The following CSMD3 variants were observed in gnomAD, a reference collection of about 807,000 sequenced individuals.
The protein encoded by CSMD3 is CUB and Sushi multiple domains 3.
CSMD3 carries 177 observed loss-of-function variants against 435.2 expected under a neutral mutation model. The ratio of observed to expected loss-of-function variants is 0.41; its 90% CI spans 0.36 to 0.46. The LOEUF is 0.46. Ranked by LOEUF, CSMD3 falls within the 20% of genes least tolerant of loss-of-function variation. CSMD3 has a pLI of 0.34. For synonymous variants in CSMD3, 1,656 were observed against 1,520.5 expected (o/e 1.09, Z -2.07); for missense variants, 4,265 against 4,504.6 (o/e 0.95, Z 1.52).
intron 4 of CSMD3, among the ~76,000 whole-genome samples, chr8:113,123,531 A>G (rs1019630465): frequency 6.6e-6 from 1 of 152,066 alleles, no homozygotes; most frequent in Non-Finnish European, 1.5e-5. Context: ...TCTTATTAGT[A>G]GAAAACTAAG....
At chr8:112,568,681 A>G (rs1489248779) in intron 24 of CSMD3, among the ~76,000 whole-genome samples, 1 of 152,118 alleles carries the variant, frequency 6.6e-6, no homozygotes, top group Non-Finnish European at 1.5e-5. Flanking sequence ...TTGTTGGTGG[A>G]AGAAGGTGAG....
At chr8:112,238,223 C>A (rs77038830) in intron 66 of CSMD3, among the ~76,000 whole-genome samples, 2 of 150,578 alleles carry the variant, frequency 1.3e-5, no homozygotes, top group African/African-American at 4.9e-5. Flanking sequence ...AGGTACCCAA[C>A]CCTCTTTGGA....
chr8:112,539,404 T>A (rs985873662), intron 27 of CSMD3: 1 of 152,070 alleles, frequency 6.6e-6, no homozygotes. Flanking sequence ...TCAGAGAAAA[T>A]TTTTTAAAAA....
intron 24 of CSMD3, among the ~76,000 whole-genome samples, chr8:112,566,459 C>G (rs550765427): frequency 3.3e-5 from 5 of 151,962 alleles, no homozygotes; most frequent in Non-Finnish European, 7.4e-5. Context: ...AATCCAAGCC[C>G]GTACTATACT....
At chr8:113,288,756 T>C (rs1302464378) in intron 2 of CSMD3, among the ~76,000 whole-genome samples, 1 of 151,820 alleles carries the variant, frequency 6.6e-6, no homozygotes, top group African/African-American at 2.4e-5. Context: ...TTTTAGAGTA[T>C]ACAATTGAAA....
chr8:113,173,633 T>C (rs571246102), intron 4 of CSMD3, 89 bp downstream of exon 4: 4 of 1,091,852 alleles, frequency 3.7e-6, no homozygotes, highest in East Asian at 4.8e-5. Context: ...CTCTATCCTT[T>C]AGATTCCGTA....
chr8:112,289,063 A>G (rs941377604), intron 57 of CSMD3, among the ~76,000 whole-genome samples: 1 of 152,076 alleles, frequency 6.6e-6, no homozygotes, highest in African/African-American at 2.4e-5. Context: ...GAATAGTTTC[A>G]CCATTTTAAC....
chr8:112,870,331 C>A (rs1163096012), intron 10 of CSMD3, among the ~76,000 whole-genome samples: 1 of 150,396 alleles, frequency 6.6e-6, no homozygotes, highest in Non-Finnish European at 1.5e-5. Context: ...TGCAGTGGCT[C>A]GATCTCGGCT....
intron 35 of CSMD3, among the ~76,000 whole-genome samples, chr8:112,394,386 A>T (rs924184100): frequency 1.3e-5 from 2 of 152,160 alleles, no homozygotes; most frequent in African/African-American, 4.8e-5. Flanking sequence ...CACTAACTAC[A>T]GTGATTTATT....
At chr8:112,968,557 G>A (rs963476554) in intron 7 of CSMD3, among the ~76,000 whole-genome samples, 1 of 151,626 alleles carries the variant, frequency 6.6e-6, no homozygotes, top group Non-Finnish European at 1.5e-5. Flanking sequence ...TACAACCTAT[G>A]CCAGAGGACA....
At chr8:112,474,460 T>C (rs1818845569) in intron 31 of CSMD3, among the ~76,000 whole-genome samples, 2 of 152,122 alleles carry the variant, frequency 1.3e-5, no homozygotes, top group Admixed American at 1.3e-4. Context: ...GTCGATTTAA[T>C]AGGGAGGAAG....
At chr8:112,281,104 C>T in intron 59 of CSMD3, 70 bp downstream of exon 59, 1 of 1,208,102 alleles carries the variant, frequency 8.3e-7, no homozygotes, top group South Asian at 1.3e-5. Flanking sequence ...ACAAAACACA[C>T]AAAAATACTT....
chr8:112,746,665 C>T lies in CSMD3; in HGVS notation c.1972+53497G>A, dbSNP rs528497575. Among the ~76,000 whole-genome samples the T allele has an allele frequency of 1.3e-3, 192 of 151,786 alleles. 6 individuals carry two copies. The South Asian group carries it at 0.035, about 28-fold the overall frequency. ...TATATTATTTATTTTTGAATTATCT[C>T]TATTATTACATTTGTATATTTTGCA... On this transcript the variant is annotated intron_variant, in intron 13 of 70. Transcript: ENST00000297405.
intron 35 of CSMD3, among the ~76,000 whole-genome samples, chr8:112,395,705 T>C (rs1830799053): frequency 6.6e-6 from 1 of 152,138 alleles, no homozygotes; most frequent in South Asian, 2.1e-4. Context: ...TCATATATTG[T>C]CAAAGCTATT....
At chr8:113,256,893 C>T (rs539332388) in intron 3 of CSMD3, among the ~76,000 whole-genome samples, 1 of 152,228 alleles carries the variant, frequency 6.6e-6, no homozygotes, top group Non-Finnish European at 1.5e-5. Flanking sequence ...AATGCAGGCT[C>T]CTGAGCCCCA....
At chr8:112,987,757 ACCT>A (rs752790174) in intron 6 of CSMD3, among the ~76,000 whole-genome samples, 15 of 151,642 alleles carry the variant, frequency 9.9e-5, no homozygotes, top group Admixed American at 5.3e-4. Flanking sequence ...CTTTTCCATC[ACCT>A]CCTTTCTCAA....
intron 10 of CSMD3, among the ~76,000 whole-genome samples, chr8:112,892,302 T>A (rs2081817431): frequency 6.6e-6 from 1 of 151,536 alleles, no homozygotes; most frequent in Non-Finnish European, 1.5e-5. Context: ...GATTGTATAT[T>A]CAATAACTCT....
chr8:112,464,950 G>C lies in CSMD3; in HGVS notation c.5395+7641C>G, dbSNP rs114909327. Reference sequence around the variant, plus strand: ...ACCTAAATATCCCACAGTGGTCATGGAAGCTCTGACCAAAAAGGTAGTAAA... The same window carrying C: ...ACCTAAATATCCCACAGTGGTCATGCAAGCTCTGACCAAAAAGGTAGTAAA... On this transcript the variant is annotated intron_variant, in intron 32 of 70. Transcript: ENST00000297405. Among the ~76,000 whole-genome samples, 1,314 of 152,274 alleles carry C rather than the reference G, an allele frequency of 8.6e-3. 17 individuals are homozygous for C. The highest frequency in any genetic ancestry group is 0.03 in the African/African-American group (1,267 of 41,564).
chr8:113,015,774 T>A (rs1200324243), intron 6 of CSMD3, among the ~76,000 whole-genome samples: 1 of 151,806 alleles, frequency 6.6e-6, no homozygotes, highest in Non-Finnish European at 1.5e-5. Flanking sequence ...AAACTCCCCT[T>A]CCAATTTAAA....
Sources: gnomAD v4.1 joint callset for allele counts (sites outside exome capture counted in the v4.1 genomes callset) on GRCh38, gnomAD v4.1.1 for gene constraint, MANE v1.5 for transcripts, NCBI Gene and HGNC (gene_info 2026-07-23, HGNC 2026-07-21) for gene names.